CCDC126: variants seen among roughly 807,000 people sequenced by gnomAD.
CCDC126 encodes coiled-coil domain-containing protein 126.
Under a neutral mutation model 11.7 loss-of-function variants are expected in CCDC126, and 5 were observed. The observed-to-expected ratio is 0.43, with a 90% confidence interval of 0.22 to 0.90. The LOEUF (loss-of-function observed/expected upper bound fraction) is 0.90, where lower values mean the gene tolerates loss of function less well. Among genes scored for constraint, CCDC126 ranks in the 40% least tolerant of loss-of-function variants. The probability of loss-of-function intolerance (pLI) is 0.27; values close to 1 mark genes in which losing one functional copy is unlikely to be tolerated. For missense variants in CCDC126, 150 were observed against 163.1 expected, an observed-to-expected ratio of 0.92 and a Z score of 0.44; for synonymous variants, 60 against 61.9, an observed-to-expected ratio of 0.97 and a Z score of 0.14.
At chr7:23,599,871 A>G (rs227938) in intron 2 of CCDC126, among the ~76,000 whole-genome samples, 73,491 of 151,830 alleles carry the variant, frequency 0.48, 18,249 homozygotes, top group South Asian at 0.63. Flanking sequence ...TGCATCCTCT[A>G]CCTCCCAGGT....
chr7:23,619,151 G>T (rs1782845201), intron 3 of CCDC126, among the ~76,000 whole-genome samples: 1 of 152,184 alleles, frequency 6.6e-6, no homozygotes, highest in Admixed American at 6.5e-5. Context: ...CTTCTGCAGT[G>T]GGGGAGGTTT....
Position 23,621,069 on chromosome 7 carries a change from T to G in CCDC126, c.238+9516T>G, listed in dbSNP as rs559973879. Among the ~76,000 whole-genome samples the G allele has an allele frequency of 1.7e-4, 26 of 152,350 alleles. No homozygotes were observed. The East Asian group carries it at 2.9e-3, about 17-fold the overall frequency. On this transcript the variant is annotated intron_variant, in intron 3 of 3. Coordinates refer to ENST00000307471, the MANE Select transcript of CCDC126 (RefSeq NM_138771.4). ...ACTGACTTGGCAATGCGGGCTCTTT[T>G]TTGGTTCCATATGAACTTTAAAGTA... is the stretch of plus-strand genomic sequence containing the variant.
intron 3 of CCDC126, among the ~76,000 whole-genome samples, chr7:23,631,041 A>G (rs890777734): frequency 1.3e-5 from 2 of 152,136 alleles, no homozygotes; most frequent in African/African-American, 4.8e-5. Flanking sequence ...CACTAAGTGC[A>G]TAAATCAGAA....
chr7:23,600,384 C>T (rs548188754), intron 2 of CCDC126, among the ~76,000 whole-genome samples: 5 of 145,586 alleles, frequency 3.4e-5, no homozygotes, highest in East Asian at 2.1e-4. Flanking sequence ...ACCCCCCCCC[C>T]CCCACCACCA....
chr7:23,627,617 T>C (rs76018592), intron 3 of CCDC126, among the ~76,000 whole-genome samples: 193 of 152,118 alleles, frequency 1.3e-3, no homozygotes, highest in Admixed American at 2.4e-3. Flanking sequence ...AGAATAATTT[T>C]TGATAGGGTC....
At chr7:23,639,294 C>A (rs1437098796) in intron 3 of CCDC126, among the ~76,000 whole-genome samples, 1 of 151,322 alleles carries the variant, frequency 6.6e-6, no homozygotes, top group African/African-American at 2.4e-5. Context: ...CAAGTTCAAG[C>A]AGTTCTTCTG....
chr7:23,605,899 C>T (rs1311211869), intron 2 of CCDC126, among the ~76,000 whole-genome samples: 1 of 151,984 alleles, frequency 6.6e-6, no homozygotes, highest in Non-Finnish European at 1.5e-5. Flanking sequence ...ACTGTCTTCC[C>T]CAGCAGCCAC....
chr7:23,599,635 G>C (rs1189320536), intron 2 of CCDC126, among the ~76,000 whole-genome samples: 1 of 150,704 alleles, frequency 6.6e-6, no homozygotes, highest in African/African-American at 2.4e-5. Flanking sequence ...AATTTTTGTA[G>C]TTTTAGTAGA....
intron 3 of CCDC126, among the ~76,000 whole-genome samples, chr7:23,620,762 G>A (rs1292237824): frequency 1.3e-5 from 2 of 152,176 alleles, no homozygotes; most frequent in African/African-American, 2.4e-5. Flanking sequence ...TGTATAAAGT[G>A]TAAGGAAGGG....
chr7:23,618,364 T>C (rs1260083559), intron 3 of CCDC126, among the ~76,000 whole-genome samples: 1 of 152,124 alleles, frequency 6.6e-6, no homozygotes, highest in Admixed American at 6.5e-5. Context: ...CCCCCCATTC[T>C]GGGTCTTCCC....
At chr7:23,638,727 T>TAAAAAAAAAAAAAAAAAAAAAAAAAGA in intron 3 of CCDC126, among the ~76,000 whole-genome samples, 1 of 89,670 alleles carries the variant, frequency 1.1e-5, no homozygotes, top group Non-Finnish European at 2.2e-5. Flanking sequence ...AAAAAAAAAT[T>TAAAAAAAAAAAAAAAAAAAAAAAAAGA]AAAAAAAAAA....
In CCDC126 at chr7:23,643,086, A is replaced by G; in HGVS notation, c.394A>G (p.Arg132Gly). Residue 132 changes from arginine (R) to glycine (G), a missense_variant, in exon 4 of 4, where the codon AGA becomes GGA. Arg to Gly is a moderately radical substitution (Grantham distance 125). Coordinates refer to ENST00000307471, the MANE Select transcript of CCDC126 (RefSeq NM_138771.4). ...TTTGGTGCCAGTAACCACAAATAAA[A>G]GAACGAATGTCTCGGGCAGTATCAG... is the stretch of plus-strand genomic sequence containing the variant. ...GNLVPVTTNK[R>G]TNVSGSIR 6.2e-7 allele frequency: 1 copy of G among 1,614,188 alleles called. No homozygotes were observed. The highest frequency in any genetic ancestry group is 8.5e-7 in the Non-Finnish European group (1 of 1,180,008).
At chr7:23,611,689 T>C (rs1323254774) in intron 3 of CCDC126, 136 bp downstream of exon 3, 2 of 656,302 alleles carry the variant, frequency 3.0e-6, no homozygotes, top group Admixed American at 2.6e-5. Context: ...AAATTTCAAA[T>C]GTACTGAAAA....
At chr7:23,618,676 G>A (rs1325331404) in intron 3 of CCDC126, among the ~76,000 whole-genome samples, 5 of 150,788 alleles carry the variant, frequency 3.3e-5, no homozygotes, top group Middle Eastern at 3.5e-3. Flanking sequence ...TCAGCCTCCC[G>A]AGAACCTGGG....
rs1336750197 is a variant in CCDC126, at chr7:23,643,082, T to C, written c.390T>C (p.Asn130=). 6.2e-7 allele frequency: 1 copy of C among 1,614,046 alleles called. No homozygotes were observed. The highest frequency in any genetic ancestry group is 1.1e-5 in the South Asian group (1 of 91,074). ...GGAATTTGGTGCCAGTAACCACAAA[T>C]AAAAGAACGAATGTCTCGGGCAGTA... is the stretch of plus-strand genomic sequence containing the variant. ...TSGNLVPVTT[N]KRTNVSGSIR is the part of the protein sequence containing the mutation. The change falls in exon 4 of 4, where the codon AAT becomes AAC. Residue 130 remains asparagine, a synonymous_variant. Coordinates refer to ENST00000307471, the MANE Select transcript of CCDC126 (RefSeq NM_138771.4).
At chr7:23,618,435 G>A (rs1311645920) in intron 3 of CCDC126, among the ~76,000 whole-genome samples, 2 of 151,936 alleles carry the variant, frequency 1.3e-5, no homozygotes, top group Non-Finnish European at 2.9e-5. Flanking sequence ...ACTAACAGAT[G>A]TGGTCCCAGG....
chr7:23,616,819 C>G (rs1347011004), intron 3 of CCDC126, among the ~76,000 whole-genome samples: 1 of 152,150 alleles, frequency 6.6e-6, no homozygotes, highest in African/African-American at 2.4e-5. Context: ...CAATTTATGT[C>G]ATTCAATTCT....
intron 3 of CCDC126, among the ~76,000 whole-genome samples, chr7:23,631,760 CAA>C (rs1229886078): frequency 7.6e-6 from 1 of 131,870 alleles, no homozygotes; most frequent in Non-Finnish European, 1.6e-5. Flanking sequence ...GACCCTGTCT[CAA>C]AAAAAAAAAG....
rs1379133746 is a variant in CCDC126, at chr7:23,644,010, G to A, written c.*895G>A. 1 of 152,062 alleles carries A rather than the reference G, an allele frequency of 6.6e-6. No homozygotes were observed. Among genetic ancestry groups the A allele is most frequent in the Non-Finnish European group, 1.5e-5 (1 of 67,932 alleles). The allele number at this position is 152,062 out of a possible 1,614,324, so 9.4% of individuals were successfully genotyped here. A position where few individuals can be genotyped will look rare whatever the true frequency, so the allele number is the denominator to read the frequency against. On this transcript the variant is annotated 3_prime_UTR_variant, in exon 4 of 4. Coordinates refer to ENST00000307471, the MANE Select transcript of CCDC126 (RefSeq NM_138771.4). ...TTGCTTTTATTATATTGGTCTAGGA[G>A]GAAGGGACTTTGGAGAATGGAACTC...
Sources: allele counts gnomAD v4.1 joint callset (sites outside exome capture counted in the v4.1 genomes callset), GRCh38; gene constraint gnomAD v4.1.1; transcripts MANE v1.5; gene names NCBI Gene and HGNC (gene_info 2026-07-23, HGNC 2026-07-21).